The following MYT1 variants were observed in gnomAD, a reference collection of about 807,000 sequenced individuals.
The protein encoded by MYT1 is myelin transcription factor I.
MYT1 carries 23 observed loss-of-function variants against 123.0 expected under a neutral mutation model. The ratio of observed to expected loss-of-function variants is 0.19; its 90% confidence interval spans 0.13 to 0.26. The LOEUF (loss-of-function observed/expected upper bound fraction) is 0.26. Ranked by LOEUF, MYT1 falls within the 10% of genes least tolerant of loss-of-function variation. MYT1 has a pLI of 1.00. For synonymous variants in MYT1, 518 were observed against 575.3 expected, an observed-to-expected ratio of 0.90 and a Z score of 1.43; for missense variants, 1,125 against 1,472.5, an observed-to-expected ratio of 0.76 and a Z score of 3.86.
rs1982082522 is a variant in MYT1 at position 64,166,350 on chromosome 20, A to T, written c.-99+1611A>T. Among the ~76,000 whole-genome samples the T allele has an allele frequency of 6.6e-6, 1 of 152,054 alleles. No homozygotes were observed. The highest frequency in any genetic ancestry group is 1.5e-5 in the Non-Finnish European group (1 of 68,006). On this transcript the variant is annotated intron_variant, in intron 1 of 22. Transcript: ENST00000328439. The surrounding 1 kb of genome is among the most constrained non-coding windows in gnomAD (Gnocchi z 4.9). ...TTATGGATTCTTCTGTCCCGTAGAG[A>T]CTGAGACTCCTACAGGGTCCCCCCG...
At chr20:64,200,735 C>A (rs761687005) in intron 4 of MYT1, among the ~76,000 whole-genome samples, 2 of 152,164 alleles carry the variant, frequency 1.3e-5, no homozygotes, top group South Asian at 4.1e-4. Flanking sequence ...AGTGGGGAAA[C>A]GGACTCAGGG....
At position 64,196,909 on chromosome 20, in the gene MYT1, G is replaced by A. The variant is rs575763228; in HGVS notation, c.1-1953G>A. On this transcript the variant is annotated intron_variant, in intron 2 of 22. Transcript: ENST00000328439. The surrounding 1 kb of genome is among the most constrained non-coding windows in gnomAD (Gnocchi z 4.3). ...AATAAATAAATAAATAAATAAAGCCGTAGATTGCATTTCAGCTGAGTGCAG... is the reference window on the plus strand; with the variant it reads ...AATAAATAAATAAATAAATAAAGCCATAGATTGCATTTCAGCTGAGTGCAG... Among the ~76,000 whole-genome samples the A allele has an allele frequency of 1.6e-4, 24 of 152,314 alleles. No homozygotes were observed. Among genetic ancestry groups the A allele is most frequent in the Non-Finnish European group, 2.9e-4 (20 of 68,032 alleles).
intron 4 of MYT1, among the ~76,000 whole-genome samples, chr20:64,201,922 C>T (rs963436929): frequency 2.1e-5 from 3 of 141,990 alleles, no homozygotes; most frequent in East Asian, 3.9e-4. Flanking sequence ...CCCCGCGTGT[C>T]GGGAACCCCC....
intron 19 of MYT1, among the ~76,000 whole-genome samples, chr20:64,235,784 CT>C (rs1984510672): frequency 1.5e-5 from 1 of 65,246 alleles, no homozygotes; most frequent in African/African-American, 1.0e-4. Context: ...CCTGGGATGG[CT>C]GTGGTGGGTG....
At chr20:64,224,494 G>A (rs1394481633) in intron 16 of MYT1, among the ~76,000 whole-genome samples, 1 of 152,220 alleles carries the variant, frequency 6.6e-6, no homozygotes, top group Non-Finnish European at 1.5e-5. Flanking sequence ...AGTGTGTCAT[G>A]AGGCCCTTCA....
chr20:64,235,804 CTGGCTGTGGTGGGTGACACT>C (rs1984512182), intron 19 of MYT1, among the ~76,000 whole-genome samples: 1 of 31,068 alleles, frequency 3.2e-5, no homozygotes, highest in South Asian at 1.3e-3. Context: ...TGACACTGGG[CTGGCTGTGGTGGGTGACACT>C]GGGCTGGCTG....
At position 64,191,424 on chromosome 20, in the gene MYT1, C is replaced by T. The variant is rs1393482139; in HGVS notation, c.-1+1264C>T. 1 of 152,222 alleles carries T rather than the reference C, an allele frequency of 6.6e-6. No homozygotes were observed. The highest frequency in any genetic ancestry group is 1.5e-5 in the Non-Finnish European group (1 of 68,048). 9.4% of individuals were successfully genotyped at this position (152,222 alleles called of 1,614,324 possible). A position where few individuals can be genotyped will look rare whatever the true frequency, so the allele number is the denominator to read the frequency against. On this transcript the variant is annotated intron_variant, in intron 2 of 22. Transcript: ENST00000328439. This position sits in a 1 kb window ranked among gnomAD's most constrained non-coding sequence, Gnocchi z 4.1. ...GCTGGAAGTAGAGGCTGACAATAGGCTTAGGCTGAAGCCCTTCCCAGAGAT... is the reference window on the plus strand; with the variant it reads ...GCTGGAAGTAGAGGCTGACAATAGGTTTAGGCTGAAGCCCTTCCCAGAGAT...
Position 64,185,879 on chromosome 20 carries a change from G to A in MYT1, c.-98-4184G>A, listed in dbSNP as rs959684452. On this transcript the variant is annotated intron_variant, in intron 1 of 22. Coordinates refer to ENST00000328439, the MANE Select transcript of MYT1 (RefSeq NM_004535.3). This position sits in a 1 kb window ranked among gnomAD's most constrained non-coding sequence, Gnocchi z 4.5. ...AAGGAAACCTTGGGGTAGGCCAGCA[G>A]CACTTCCTGGGAAGAGCCCAGCAGA... Among the ~76,000 whole-genome samples, 1 of 152,226 alleles carries A rather than the reference G, an allele frequency of 6.6e-6. No homozygotes were observed. The highest frequency in any genetic ancestry group is 2.4e-5 in the African/African-American group (1 of 41,464).
At position 64,196,577 on chromosome 20, in the gene MYT1, T is replaced by A. The variant is rs976390108; in HGVS notation, c.1-2285T>A. On this transcript the variant is annotated intron_variant, in intron 2 of 22. Coordinates refer to ENST00000328439, the MANE Select transcript of MYT1 (RefSeq NM_004535.3). This position sits in a 1 kb window ranked among gnomAD's most constrained non-coding sequence, Gnocchi z 4.3. ...TTCTCGTATTAAAGAGCCTGGTTTA[T>A]TTTTTCTTCGGTAGTTCAGTTTTTT... Among the ~76,000 whole-genome samples, 1 of 152,250 alleles carries A rather than the reference T, an allele frequency of 6.6e-6. No individual in the cohort carries two copies. The highest frequency in any genetic ancestry group is 2.4e-5 in the African/African-American group (1 of 41,468).
rs1982984260 is a variant in MYT1 at position 64,191,984 on chromosome 20, T to C, written c.-1+1824T>C. ...AGATCATGTGAGCATGAACGTTACT[T>C]GACTTGAGGCCAGGGGCTCTGCATG... On this transcript the variant is annotated intron_variant, in intron 2 of 22. Coordinates refer to ENST00000328439, the MANE Select transcript of MYT1 (RefSeq NM_004535.3). This position sits in a 1 kb window ranked among gnomAD's most constrained non-coding sequence, Gnocchi z 4.1. The C allele has an allele frequency of 6.6e-6, 1 of 152,192 alleles. No homozygotes were observed. The highest frequency in any genetic ancestry group is 2.4e-5 in the African/African-American group (1 of 41,438). 9.4% of individuals were successfully genotyped at this position (152,192 alleles called of 1,614,324 possible). A position where few individuals can be genotyped will look rare whatever the true frequency, so the allele number is the denominator to read the frequency against.
intron 21 of MYT1, among the ~76,000 whole-genome samples, chr20:64,238,687 G>T (rs906623877): frequency 7.1e-6 from 1 of 141,832 alleles, no homozygotes; most frequent in African/African-American, 2.7e-5. Flanking sequence ...TGTTGTGTGG[G>T]TGTCCATTTT....
At chr20:64,183,017 C>T (rs916876958) in intron 1 of MYT1, among the ~76,000 whole-genome samples, 1 of 152,186 alleles carries the variant, frequency 6.6e-6, no homozygotes, top group African/African-American at 2.4e-5. Flanking sequence ...AGAAAGAAAC[C>T]CCATGCCCGT....
Position 64,213,972 on chromosome 20 carries a change from G to A in MYT1, c.1631+325G>A, listed in dbSNP as rs975590021. Among the ~76,000 whole-genome samples the A allele has an allele frequency of 6.6e-6, 1 of 152,238 alleles. No individual in the cohort carries two copies. Among genetic ancestry groups the A allele is most frequent in the African/African-American group, 2.4e-5 (1 of 41,448 alleles). ...GGAGTCGTCTGATGTGACCACTTGA[G>A]GCCCCTTGGGGATTCATTTGTGGAG... On this transcript the variant is annotated intron_variant, in intron 10 of 22. Transcript: ENST00000328439. The surrounding 1 kb of genome is among the most constrained non-coding windows in gnomAD (Gnocchi z 5.6).
intron 1 of MYT1, among the ~76,000 whole-genome samples, chr20:64,171,187 G>A (rs1982269118): frequency 6.6e-6 from 1 of 151,908 alleles, no homozygotes; most frequent in Non-Finnish European, 1.5e-5. Flanking sequence ...CCAAAGTGCT[G>A]GTATTACAGG....
intron 12 of MYT1, 42 bp from the exon 13 acceptor site, chr20:64,219,671 A>G: frequency 6.5e-7 from 1 of 1,536,424 alleles, no homozygotes; most frequent in East Asian, 2.3e-5. Flanking sequence ...CACACATGGG[A>G]AGGGATGGAA....
At chr20:64,215,492 T>C (rs2086532289) in intron 10 of MYT1, among the ~76,000 whole-genome samples, 2 of 152,172 alleles carry the variant, frequency 1.3e-5, no homozygotes, top group South Asian at 4.1e-4. Context: ...TTTGCAAAGC[T>C]TCGTTGGCAT....
rs1215019941 is a variant in MYT1 at position 64,203,733 on chromosome 20, C to T, written c.87-1302C>T. The stretch of plus-strand genomic sequence containing the variant: ...CCCAGAGGTAGTCGGGGAGGGTGGC[C>T]TGCAAGCCCACTGGGCCCCACAGTT... On this transcript the variant is annotated intron_variant, in intron 4 of 22. Transcript: ENST00000328439. The surrounding 1 kb of genome is among the most constrained non-coding windows in gnomAD (Gnocchi z 5.1). 6.6e-6 allele frequency among the ~76,000 whole-genome samples: 1 copy of T among 152,230 alleles called. No individual in the cohort carries two copies. Among genetic ancestry groups the T allele is most frequent in the Non-Finnish European group, 1.5e-5 (1 of 68,040 alleles).
chr20:64,216,931 G>C (rs549797071), intron 10 of MYT1, 136 bp from the exon 11 acceptor site: 84 of 768,168 alleles, frequency 1.1e-4, no homozygotes, highest in Admixed American at 2.3e-4. Flanking sequence ...ATATGCAGGG[G>C]TAGTGTCTTC....
In MYT1 at chr20:64,213,783, A is replaced by C. The variant is rs1297957167; in HGVS notation, c.1631+136A>C. The C allele has an allele frequency of 2.5e-5, 19 of 747,800 alleles. No individual in the cohort carries two copies. In the East Asian group the frequency reaches 4.5e-4, roughly 18 times the overall value. The allele number at this position is 747,800 out of a possible 1,614,324, so 46.3% of individuals were successfully genotyped here. The stretch of plus-strand genomic sequence containing the variant: ...TGTACGTGCATGTGAGTGTACGTGC[A>C]TGTGAGTGTGCACATGCCCCGGGCC... On this transcript the variant is annotated intron_variant, in intron 10 of 22. Transcript: ENST00000328439. This position sits in a 1 kb window ranked among gnomAD's most constrained non-coding sequence, Gnocchi z 5.6.
Sources: gnomAD v4.1 joint callset for allele counts (sites outside exome capture counted in the v4.1 genomes callset) on GRCh38, gnomAD v4.1.1 for gene constraint, Gnocchi (gnomAD v3.1) non-coding constraint, MANE v1.5 for transcripts, NCBI Gene and HGNC (gene_info 2026-07-23, HGNC 2026-07-21) for gene names.